Variants in TPST1 observed in about 807,000 individuals in gnomAD.
TPST1 encodes protein-tyrosine sulfotransferase 1.
In TPST1, 20 loss-of-function variants were observed where a neutral mutation model predicts 34.8. That is an observed-to-expected ratio of 0.57 (90% CI 0.40 to 0.84). The LOEUF (loss-of-function observed/expected upper bound fraction) is 0.84, where lower values mean the gene tolerates loss of function less well. TPST1 is among the 40% of genes least tolerant of loss of function. TPST1 has a pLI of 0.00. For missense variants in TPST1, 353 were observed against 455.5 expected, an observed-to-expected ratio of 0.78 and a Z score of 2.05; for synonymous variants, 152 against 159.4, an observed-to-expected ratio of 0.95 and a Z score of 0.35.
chr7:66,263,182 T>C (rs1394025930), intron 2 of TPST1, among the ~76,000 whole-genome samples: 1 of 151,722 alleles, frequency 6.6e-6, no homozygotes, highest in Non-Finnish European at 1.5e-5. Flanking sequence ...AAAAGAATAT[T>C]TTAGGGTAAA....
Position 66,344,801 on chromosome 7 carries a change from G to A in TPST1, c.1045-7704G>A, listed in dbSNP as rs562860512. 3.6e-4 allele frequency among the ~76,000 whole-genome samples: 54 copies of A among 148,906 alleles called. No homozygotes were observed. The East Asian group carries it at 0.01, about 28-fold the overall frequency. ...TACAGTGGTGCAATCTCGGCTCACT[G>A]CAAGCTCCGCCTCCTGGGTTCATGC... is the stretch of plus-strand genomic sequence containing the variant. On this transcript the variant is annotated intron_variant, in intron 3 of 5. Transcript: ENST00000304842.
intron 3 of TPST1, 116 bp from the exon 4 acceptor site, chr7:66,352,386 CATT>C (rs1792497971): frequency 6.6e-7 from 1 of 1,509,328 alleles, no homozygotes; most frequent in Non-Finnish European, 8.8e-7. Context: ...GCTTCTTTCT[CATT>C]CTAAACTCAC....
chr7:66,305,857 G>C (rs1376659039), intron 3 of TPST1, among the ~76,000 whole-genome samples: 1 of 152,108 alleles, frequency 6.6e-6, no homozygotes, highest in Non-Finnish European at 1.5e-5. Flanking sequence ...AAAGTAATTT[G>C]GCCATTTCAC....
At chr7:66,198,811 G>A in the TPST1 span, among the ~76,000 whole-genome samples, 1 of 152,200 alleles carries the variant, frequency 6.6e-6, no homozygotes, top group Non-Finnish European at 1.5e-5. Context: ...ATCTAGGGGT[G>A]GAGAAAGTCA....
intron 3 of TPST1, among the ~76,000 whole-genome samples, chr7:66,296,269 C>G (rs1791196507): frequency 7.7e-6 from 1 of 130,676 alleles, no homozygotes; most frequent in African/African-American, 2.9e-5. Context: ...CCCCCACCGT[C>G]TCTGCCTATC....
At chr7:66,341,521 C>T (rs762158862) in intron 3 of TPST1, among the ~76,000 whole-genome samples, 17 of 152,108 alleles carry the variant, frequency 1.1e-4, no homozygotes, top group Non-Finnish European at 1.3e-4. Context: ...CCTCATGATC[C>T]ACCTGCCTCG....
intron 4 of TPST1, among the ~76,000 whole-genome samples, chr7:66,353,190 C>T (rs745625851): frequency 3.3e-5 from 5 of 152,184 alleles, no homozygotes; most frequent in Non-Finnish European, 5.9e-5. Context: ...CAGAATTTGC[C>T]TGTAATCCCA....
intron 3 of TPST1, among the ~76,000 whole-genome samples, chr7:66,293,052 A>G (rs1482977588): frequency 6.6e-6 from 1 of 151,966 alleles, no homozygotes; most frequent in African/African-American, 2.4e-5. Context: ...TAAATACACA[A>G]AAAATTAGCC....
chr7:66,282,190 C>G lies in TPST1; in HGVS notation c.846-4321C>G, dbSNP rs1790945397. On this transcript the variant is annotated intron_variant, in intron 2 of 5. Coordinates refer to ENST00000304842, the MANE Select transcript of TPST1 (RefSeq NM_003596.4). Reference sequence around the variant, plus strand: ...GAAGGAATAGGGGAGATTTAATGAGCTCCTTGCAGTCTGCAGGTTATTATC... The same window carrying G: ...GAAGGAATAGGGGAGATTTAATGAGGTCCTTGCAGTCTGCAGGTTATTATC... 2.0e-5 allele frequency among the ~76,000 whole-genome samples: 3 copies of G among 152,304 alleles called. No individual in the cohort carries two copies. In the South Asian group the frequency reaches 6.2e-4, roughly 32 times the overall value.
intron 3 of TPST1, among the ~76,000 whole-genome samples, chr7:66,296,427 G>T (rs538573827): frequency 2.0e-5 from 3 of 152,146 alleles, no homozygotes; most frequent in Admixed American, 1.3e-4. Flanking sequence ...TAAATCCTGT[G>T]TATCTTCAAA....
chr7:66,263,673 C>T (rs949104685), intron 2 of TPST1, among the ~76,000 whole-genome samples: 1 of 152,104 alleles, frequency 6.6e-6, no homozygotes, highest in African/African-American at 2.4e-5. Context: ...TCTTTTTAGC[C>T]ACACAGCATT....
At chr7:66,242,832 C>T (rs1790064663) in intron 2 of TPST1, among the ~76,000 whole-genome samples, 1 of 151,872 alleles carries the variant, frequency 6.6e-6, no homozygotes, top group Non-Finnish European at 1.5e-5. Context: ...TTAAGGTAAA[C>T]ATAAAGGCCA....
intron 3 of TPST1, among the ~76,000 whole-genome samples, chr7:66,338,061 C>T (rs1010868378): frequency 6.6e-6 from 1 of 152,078 alleles, no homozygotes; most frequent in South Asian, 2.1e-4. Flanking sequence ...GATTAAAAAA[C>T]AAGACCCATC....
intron 2 of TPST1, among the ~76,000 whole-genome samples, chr7:66,257,528 CT>C (rs1177573558): frequency 6.6e-6 from 1 of 152,202 alleles, no homozygotes; most frequent in African/African-American, 2.4e-5. Context: ...TATTAGTCTG[CT>C]TCCTGCCAGT....
chr7:66,338,479 C>T (rs1307640946), intron 3 of TPST1, among the ~76,000 whole-genome samples: 5 of 152,194 alleles, frequency 3.3e-5, no homozygotes, highest in African/African-American at 1.2e-4. Context: ...ACCAAATGGA[C>T]CTAACAGATA....
At chr7:66,243,941 ATT>A (rs55829208) in intron 2 of TPST1, among the ~76,000 whole-genome samples, 63,874 of 115,618 alleles carry the variant, frequency 0.55, 15,982 homozygotes, top group African/African-American at 0.64. Context: ...ATTCTGGGAA[ATT>A]TTTTTTTTTT....
At position 66,326,305 on chromosome 7, in the gene TPST1, G is replaced by A. The variant is rs530542528; in HGVS notation, c.1045-26200G>A. 6.7e-4 allele frequency among the ~76,000 whole-genome samples: 102 copies of A among 152,238 alleles called. 2 individuals carry two copies. The highest frequency in any genetic ancestry group is 3.4e-3 in the Middle Eastern group (1 of 294). On this transcript the variant is annotated intron_variant, in intron 3 of 5. Coordinates refer to ENST00000304842, the MANE Select transcript of TPST1 (RefSeq NM_003596.4). Reference sequence around the variant, plus strand: ...TTAATGGTAATTCAGTATAACTGCCGTAAGAACAGGGCATTCAGAATGCCC... The same window carrying A: ...TTAATGGTAATTCAGTATAACTGCCATAAGAACAGGGCATTCAGAATGCCC...
At position 66,252,309 on chromosome 7, in the gene TPST1, C is replaced by T. The variant is rs571450560; in HGVS notation, c.845+11039C>T. ...TCCTGACCTCGTGATCTACCCGCCT[C>T]GGCCTCCCAAAGTGCTGGGATTACA... On this transcript the variant is annotated intron_variant, in intron 2 of 5. Coordinates refer to ENST00000304842, the MANE Select transcript of TPST1 (RefSeq NM_003596.4). Among the ~76,000 whole-genome samples, 145 of 149,422 alleles carry T rather than the reference C, an allele frequency of 9.7e-4. 1 individual carries two copies. The highest frequency in any genetic ancestry group is 1.2e-3 in the Non-Finnish European group (84 of 67,652).
chr7:66,330,262 C>T (rs1255157246), intron 3 of TPST1, among the ~76,000 whole-genome samples: 1 of 152,054 alleles, frequency 6.6e-6, no homozygotes, highest in African/African-American at 2.4e-5. Context: ...CACCAGGGTC[C>T]TCATAAAGGA....
Sources: gnomAD v4.1 joint callset for allele counts (sites outside exome capture counted in the v4.1 genomes callset) on GRCh38, gnomAD v4.1.1 for gene constraint, MANE v1.5 for transcripts, NCBI Gene and HGNC (gene_info 2026-07-23, HGNC 2026-07-21) for gene names.